The following PTPRN2 variants were observed in gnomAD, a reference collection of about 807,000 sequenced individuals.
PTPRN2 encodes the protein protein tyrosine phosphatase receptor type N2.
Under a neutral mutation model 118.8 loss-of-function variants are expected in PTPRN2, and 74 were observed. The observed-to-expected ratio is 0.62, with a 90% CI of 0.52 to 0.76. The LOEUF is 0.76. PTPRN2 is among the 30% of genes least tolerant of loss of function. The pLI, the probability that PTPRN2 is intolerant of heterozygous loss-of-function variation, is 0.00. For missense variants in PTPRN2, 1,481 were observed against 1,394.4 expected, an observed-to-expected ratio of 1.06 and a Z score of -0.99; for synonymous variants, 641 against 608.0, an observed-to-expected ratio of 1.05 and a Z score of -0.80.
At chr7:157,578,187 C>T (rs749165838) in intron 17 of PTPRN2, 47 bp from the exon 18 acceptor site, 10 of 1,562,534 alleles carry the variant, frequency 6.4e-6, no homozygotes, top group South Asian at 5.8e-5. Context: ...GTCTCATCAC[C>T]GCGTGACATG....
intron 12 of PTPRN2, among the ~76,000 whole-genome samples, chr7:157,876,207 C>A (rs908861179): frequency 6.6e-6 from 1 of 152,224 alleles, no homozygotes; most frequent in African/African-American, 2.4e-5. Context: ...CTCATCCAAG[C>A]CCTGTTTTTG....
intron 1 of PTPRN2, chr7:158,539,644 C>G (rs2129449366): frequency 4.5e-6 from 1 of 223,190 alleles, no homozygotes; most frequent in Non-Finnish European, 9.0e-6. Context: ...TACGCTGGAG[C>G]ATGCTCACTC....
intron 2 of PTPRN2, among the ~76,000 whole-genome samples, chr7:158,391,065 T>C (rs1051907137): frequency 6.6e-6 from 1 of 152,158 alleles, no homozygotes; most frequent in African/African-American, 2.4e-5. Context: ...ACAGACTAGA[T>C]TTTCTTCCCT....
intron 3 of PTPRN2, among the ~76,000 whole-genome samples, chr7:158,269,707 A>C (rs6951970): frequency 0.15 from 22,576 of 152,056 alleles, 1,893 homozygotes; most frequent in African/African-American, 0.21. Context: ...AAGTCAGCTG[A>C]CGGCTGGGAC....
Position 158,069,901 on chromosome 7 carries a change from G to A in PTPRN2, c.1723+11397C>T, listed in dbSNP as rs1483535723. ...TGATCTGAATGCAGCCTCGCGGAGT[G>A]TAACTATTGGCCCTAGCTGACAGAG... On this transcript the variant is annotated intron_variant, in intron 11 of 22. Coordinates refer to ENST00000389418, the MANE Select transcript of PTPRN2 (RefSeq NM_002847.5). 2.0e-5 allele frequency among the ~76,000 whole-genome samples: 3 copies of A among 152,226 alleles called. No homozygotes were observed. In the East Asian group the frequency reaches 5.8e-4, roughly 29 times the overall value.
chr7:158,009,611 A>T (rs139690594), intron 11 of PTPRN2, among the ~76,000 whole-genome samples: 2 of 152,322 alleles, frequency 1.3e-5, no homozygotes, highest in East Asian at 3.9e-4. Flanking sequence ...TTCCCACTTA[A>T]TATAAAAACC....
chr7:157,542,538 C>T (rs957778926), intron 22 of PTPRN2, among the ~76,000 whole-genome samples: 8 of 151,470 alleles, frequency 5.3e-5, no homozygotes, highest in Admixed American at 3.3e-4. Flanking sequence ...AGCTGCCCAG[C>T]GGCCTCTCAG....
intron 15 of PTPRN2, chr7:157,613,966 G>C (rs1177817920): frequency 4.3e-6 from 2 of 468,300 alleles, no homozygotes; most frequent in Non-Finnish European, 8.9e-6. Flanking sequence ...TCACAACTGT[G>C]ACTCTGTGAG....
At chr7:158,005,277 T>A in intron 11 of PTPRN2, among the ~76,000 whole-genome samples, 1 of 151,940 alleles carries the variant, frequency 6.6e-6, no homozygotes, top group East Asian at 1.9e-4. Flanking sequence ...TTTCTCCATG[T>A]TGGTCAGGCT....
chr7:157,649,623 T>C (rs369436142), intron 14 of PTPRN2, among the ~76,000 whole-genome samples: 145 of 18,724 alleles, frequency 7.7e-3, no homozygotes, highest in Admixed American at 0.025. Context: ...GTGGGTCCGA[T>C]CCATTCACTG....
At chr7:158,443,828 C>T (rs376262817) in intron 2 of PTPRN2, among the ~76,000 whole-genome samples, 235 of 152,284 alleles carry the variant, frequency 1.5e-3, no homozygotes, top group African/African-American at 5.5e-3. Context: ...GTCTGGGTGA[C>T]GGTGTCAGAG....
intron 6 of PTPRN2, among the ~76,000 whole-genome samples, chr7:158,148,816 A>C (rs377691256): frequency 1.1e-3 from 14 of 12,816 alleles, no homozygotes; most frequent in East Asian, 2.4e-3. Flanking sequence ...TTCCCCCTCA[A>C]TGACACCCCA....
At chr7:157,782,696 C>T (rs1563103574) in intron 12 of PTPRN2, among the ~76,000 whole-genome samples, 1 of 152,316 alleles carries the variant, frequency 6.6e-6, no homozygotes, top group East Asian at 1.9e-4. Flanking sequence ...AAATGACTAC[C>T]CAAGAGATGA....
intron 10 of PTPRN2, among the ~76,000 whole-genome samples, chr7:158,087,872 C>A (rs1403785845): frequency 1.2e-5 from 1 of 82,422 alleles, no homozygotes; most frequent in African/African-American, 3.1e-5. Context: ...AGGGAGTCTT[C>A]ACACAAACCT....
At position 157,869,418 on chromosome 7, in the gene PTPRN2, G is replaced by T. The variant is rs900008148; in HGVS notation, c.1788+29255C>A. Reference sequence around the variant, plus strand: ...GACAAATATAAGGGGACTTCAAAAAGTTCACAGAAAAATTGGATTAAAAGG... The same window carrying T: ...GACAAATATAAGGGGACTTCAAAAATTTCACAGAAAAATTGGATTAAAAGG... On this transcript the variant is annotated intron_variant, in intron 12 of 22. Coordinates refer to ENST00000389418, the MANE Select transcript of PTPRN2 (RefSeq NM_002847.5). The surrounding 1 kb of genome is among the most constrained non-coding windows in gnomAD (Gnocchi z 4.2). 6.6e-6 allele frequency among the ~76,000 whole-genome samples: 1 copy of T among 152,146 alleles called. No individual in the cohort carries two copies. The highest frequency in any genetic ancestry group is 1.5e-5 in the Non-Finnish European group (1 of 68,014).
intron 12 of PTPRN2, among the ~76,000 whole-genome samples, chr7:157,756,212 G>C (rs1801768494): frequency 1.3e-5 from 2 of 152,186 alleles, no homozygotes. Context: ...GAGTTTCCAT[G>C]AATGAGTGAA....
intron 11 of PTPRN2, among the ~76,000 whole-genome samples, chr7:158,076,676 C>T (rs1812386048): frequency 6.6e-6 from 1 of 152,210 alleles, no homozygotes; most frequent in Admixed American, 6.5e-5. Flanking sequence ...CTGCACCATT[C>T]TCATTCCTCT....
At chr7:158,124,046 C>T (rs544030340) in intron 9 of PTPRN2, among the ~76,000 whole-genome samples, 13 of 152,314 alleles carry the variant, frequency 8.5e-5, no homozygotes, top group Middle Eastern at 3.4e-3. Context: ...GATCCCGTGC[C>T]GACATGGACC....
At chr7:158,270,770 GTCCACCTGGACCACCCCTCCACCTGGA>G in intron 3 of PTPRN2, among the ~76,000 whole-genome samples, 1 of 78,574 alleles carries the variant, frequency 1.3e-5, no homozygotes, top group Non-Finnish European at 2.4e-5. Flanking sequence ...GGACCACCCC[GTCCACCTGGACCACCCCTCCACCTGGA>G]CCACCCCCTC....
Sources: gnomAD v4.1 joint callset for allele counts (sites outside exome capture counted in the v4.1 genomes callset) on GRCh38, gnomAD v4.1.1 for gene constraint, Gnocchi (gnomAD v3.1) non-coding constraint, MANE v1.5 for transcripts, NCBI Gene and HGNC (gene_info 2026-07-23, HGNC 2026-07-21) for gene names.